The following TJP1 variants were observed in gnomAD, a reference collection of about 807,000 sequenced individuals.
TJP1 encodes the protein tight junction protein ZO-1.
In TJP1, 43 loss-of-function variants were observed where a neutral mutation model predicts 194.2. The observed-to-expected ratio is 0.22, with a 90% CI of 0.17 to 0.29. The LOEUF (loss-of-function observed/expected upper bound fraction) is 0.29, where lower values mean the gene tolerates loss of function less well. Among genes scored for constraint, TJP1 ranks in the 10% least tolerant of loss-of-function variants. The pLI is 1.00. For missense variants in TJP1, 1,971 were observed against 2,185.7 expected (o/e 0.90, Z 1.96); for synonymous variants, 801 against 779.0 (o/e 1.03, Z -0.47).
chr15:29,921,654 G>A (rs1719343), intron 2 of TJP1, among the ~76,000 whole-genome samples: 49,829 of 151,838 alleles, frequency 0.33, 9,877 homozygotes, highest in African/African-American at 0.56. Context: ...GCATCTTCCC[G>A]GATAGCTCAG....
chr15:29,928,148 C>G (rs1471037168), intron 2 of TJP1, among the ~76,000 whole-genome samples: 2 of 150,802 alleles, frequency 1.3e-5, no homozygotes, highest in Non-Finnish European at 3.0e-5. Context: ...CCACAAGCAA[C>G]AGAAACATAC....
At chr15:29,950,164 CACA>C (rs1219248421) in intron 2 of TJP1, among the ~76,000 whole-genome samples, 9 of 112,884 alleles carry the variant, frequency 8.0e-5, no homozygotes, top group African/African-American at 2.3e-4. Flanking sequence ...CCACCACCAC[CACA>C]ACCACTACCT....
chr15:29,961,249 G>A (rs1163679231), intron 1 of TJP1, among the ~76,000 whole-genome samples: 2 of 151,836 alleles, frequency 1.3e-5, no homozygotes, highest in East Asian at 1.9e-4. Context: ...TAGGGGAATG[G>A]CCCTTTATGA....
At chr15:29,903,677 C>T (rs988362208) in intron 2 of TJP1, among the ~76,000 whole-genome samples, 1 of 152,178 alleles carries the variant, frequency 6.6e-6, no homozygotes, top group Non-Finnish European at 1.5e-5. Flanking sequence ...ATCTCCCGAC[C>T]TTGTGATCCG....
At chr15:29,963,383 A>G (rs969142585) in intron 1 of TJP1, among the ~76,000 whole-genome samples, 7 of 152,186 alleles carry the variant, frequency 4.6e-5, no homozygotes, top group Non-Finnish European at 8.8e-5. Flanking sequence ...TCAATGACCT[A>G]ATTTGTAAAA....
intron 2 of TJP1, among the ~76,000 whole-genome samples, chr15:29,904,339 T>C (rs984905922): frequency 2.0e-5 from 3 of 151,972 alleles, no homozygotes; most frequent in Non-Finnish European, 4.4e-5. Context: ...GTGGCTCGGA[T>C]CACCAAGCAG....
chr15:29,921,537 G>C (rs1045862079), intron 2 of TJP1, among the ~76,000 whole-genome samples: 1 of 152,242 alleles, frequency 6.6e-6, no homozygotes, highest in East Asian at 1.9e-4. Flanking sequence ...CTGAGAGTAG[G>C]GACGGAGGAG....
intron 8 of TJP1, among the ~76,000 whole-genome samples, chr15:29,760,882 T>C (rs748528762): frequency 2.0e-5 from 3 of 152,194 alleles, no homozygotes; most frequent in Admixed American, 6.5e-5. Flanking sequence ...CATTTACACA[T>C]TGTCTATGGT....
At position 29,944,460 on chromosome 15, in the gene TJP1, C is replaced by T. The variant is rs539961004; in HGVS notation, c.306+11772G>A. ...TGACCAGCTTTTGTTGGTGGGGGGA[C>T]GGGGACGGGGGCACCAAGGAATTTA... On this transcript the variant is annotated intron_variant, in intron 2 of 28. Transcript: ENST00000356107. Among the ~76,000 whole-genome samples the T allele has an allele frequency of 4.3e-4, 65 of 151,960 alleles. 1 individual carries two copies. The South Asian group carries it at 7.5e-3, about 18-fold the overall frequency.
At chr15:29,857,195 A>C (rs2051890332) in intron 2 of TJP1, among the ~76,000 whole-genome samples, 1 of 152,172 alleles carries the variant, frequency 6.6e-6, no homozygotes, top group Non-Finnish European at 1.5e-5. Flanking sequence ...GTCCAGTCTA[A>C]ATATGACATG....
chr15:29,834,165 G>A (rs2050945416), intron 2 of TJP1, among the ~76,000 whole-genome samples: 1 of 150,938 alleles, frequency 6.6e-6, no homozygotes. Flanking sequence ...ACAGGCATGA[G>A]CCACTGGGCC....
At chr15:29,809,772 G>T (rs2049360922) in intron 1 of TJP1, among the ~76,000 whole-genome samples, 2 of 152,042 alleles carry the variant, frequency 1.3e-5, no homozygotes, top group Admixed American at 1.3e-4. Flanking sequence ...CTTGAACCAG[G>T]GAGGCAGACG....
intron 1 of TJP1, among the ~76,000 whole-genome samples, chr15:29,807,233 G>C (rs2049170248): frequency 6.6e-6 from 1 of 152,160 alleles, no homozygotes; most frequent in Non-Finnish European, 1.5e-5. Flanking sequence ...GATCAAAGCT[G>C]AAGGTCTGCT....
rs183964115 is a variant in TJP1 at position 29,740,460 on chromosome 15, G to A, written c.1256+871C>T. Among the ~76,000 whole-genome samples, 138 of 151,838 alleles carry A rather than the reference G, an allele frequency of 9.1e-4. 6 individuals are homozygous for A. In the South Asian group the frequency reaches 0.028, roughly 31 times the overall value. On this transcript the variant is annotated intron_variant, in intron 10 of 27. Coordinates refer to ENST00000614355, the MANE Select transcript of TJP1 (RefSeq NM_001330239.4). ...GGGCAATGCGGCGAAACAAAACCCC[G>A]TCTCTACTAAAAATACAAAAATTAG...
At position 29,701,640 on chromosome 15, in the gene TJP1, A is replaced by G. The variant is rs1304715907; in HGVS notation, c.5262T>C (p.Tyr1754=). 1.2e-6 allele frequency: 2 copies of G among 1,614,050 alleles called. No homozygotes were observed. The highest frequency in any genetic ancestry group is 1.7e-6 in the Non-Finnish European group (2 of 1,180,018). ...CAGAAACACAGTTTGCTCCAACGAG[A>G]TAATTTGGATCTCCGGGAAGACACT... ...QNKCLPGDPN[Y]LVGANCVSVL... is the part of the protein sequence containing the mutation. The change falls in exon 28 of 28, where the codon TAT becomes TAC. Residue 1754 remains tyrosine, a synonymous_variant. Coordinates refer to ENST00000614355, the MANE Select transcript of TJP1 (RefSeq NM_001330239.4).
At chr15:29,728,894 T>C (rs1013387168) in intron 15 of TJP1, 20 of 152,056 alleles carry the variant, frequency 1.3e-4, no homozygotes, top group African/African-American at 4.6e-4. Context: ...AAAGATCAAC[T>C]GGGAATTTTG....
chr15:29,746,627 A>G (rs1368250251), intron 8 of TJP1, among the ~76,000 whole-genome samples: 1 of 152,048 alleles, frequency 6.6e-6, no homozygotes, highest in East Asian at 1.9e-4. Context: ...CTACTATTTC[A>G]ACTTTTACAA....
At chr15:29,760,388 G>GT in intron 8 of TJP1, 1 of 620,460 alleles carries the variant, frequency 1.6e-6, no homozygotes, top group Non-Finnish European at 2.9e-6. Flanking sequence ...GTTTTGTTTT[G>GT]TTTTTGAGAA....
intron 23 of TJP1, among the ~76,000 whole-genome samples, chr15:29,713,367 C>T (rs2042358401): frequency 6.6e-6 from 1 of 152,218 alleles, no homozygotes; most frequent in African/African-American, 2.4e-5. Context: ...GTCTCCTAAC[C>T]TTTCCAGTTC....
Sources: allele counts gnomAD v4.1 joint callset (sites outside exome capture counted in the v4.1 genomes callset), GRCh38; gene constraint gnomAD v4.1.1; transcripts MANE v1.5; gene names NCBI Gene and HGNC (gene_info 2026-07-23, HGNC 2026-07-21).